Variants in MTHFD1L observed in about 807,000 individuals in gnomAD.
The protein encoded by MTHFD1L is monofunctional C1-tetrahydrofolate synthase, mitochondrial.
In MTHFD1L, 81 loss-of-function variants were observed where a neutral mutation model predicts 119.5. The observed-to-expected ratio is 0.68, with a 90% CI of 0.57 to 0.82. The LOEUF is 0.82. MTHFD1L is among the 40% of genes least tolerant of loss of function. The probability of loss-of-function intolerance (pLI) is 0.00; values close to 1 mark genes in which losing one functional copy is unlikely to be tolerated. For missense variants in MTHFD1L, 1,125 were observed against 1,253.4 expected, an observed-to-expected ratio of 0.90 and a Z score of 1.55; for synonymous variants, 430 against 475.2, an observed-to-expected ratio of 0.90 and a Z score of 1.24.
At chr6:151,074,855 T>C (rs963284125) in intron 26 of MTHFD1L, among the ~76,000 whole-genome samples, 3 of 152,218 alleles carry the variant, frequency 2.0e-5, no homozygotes, top group African/African-American at 7.2e-5. Flanking sequence ...AAGTACACTG[T>C]ATGATGTTCA....
chr6:151,099,812 G>C, intron 27 of MTHFD1L: 1 of 1,604,982 alleles, frequency 6.2e-7, no homozygotes, highest in Non-Finnish European at 8.5e-7. Flanking sequence ...AATCGTACTT[G>C]TGCCGAGATC....
chr6:151,089,095 G>T (rs565065545), intron 26 of MTHFD1L, among the ~76,000 whole-genome samples: 1 of 152,154 alleles, frequency 6.6e-6, no homozygotes, highest in Non-Finnish European at 1.5e-5. Context: ...TTCTGCCCTT[G>T]CTGTGAATCA....
At chr6:151,099,644 G>A in intron 27 of MTHFD1L, 1 of 1,604,226 alleles carries the variant, frequency 6.2e-7, no homozygotes, top group Non-Finnish European at 8.5e-7. Flanking sequence ...AAACCCAGAG[G>A]CATTGACAAC....
At chr6:150,975,554 C>T (rs1776433446) in intron 20 of MTHFD1L, among the ~76,000 whole-genome samples, 1 of 152,116 alleles carries the variant, frequency 6.6e-6, no homozygotes, top group African/African-American at 2.4e-5. Flanking sequence ...AAGAATAGCC[C>T]CTAAAATTAA....
intron 20 of MTHFD1L, among the ~76,000 whole-genome samples, chr6:151,006,223 A>G (rs1215856573): frequency 2.0e-5 from 3 of 152,180 alleles, no homozygotes; most frequent in Admixed American, 2.0e-4. Flanking sequence ...GGAGTAGCCA[A>G]CTTTGCCCGA....
At chr6:150,921,810 T>TG (rs1341288376) in intron 9 of MTHFD1L, among the ~76,000 whole-genome samples, 5 of 152,232 alleles carry the variant, frequency 3.3e-5, no homozygotes, top group Non-Finnish European at 7.3e-5. Flanking sequence ...TGACTTGAAA[T>TG]AACCCTGGAT....
intron 18 of MTHFD1L, among the ~76,000 whole-genome samples, chr6:150,963,483 T>C (rs1796751563): frequency 6.7e-6 from 1 of 149,684 alleles, no homozygotes; most frequent in Admixed American, 6.7e-5. Flanking sequence ...AATAAATACA[T>C]ACAGTTTTAT....
chr6:151,051,894 G>GGAGGCAGGGACT (rs1340085955), intron 26 of MTHFD1L, among the ~76,000 whole-genome samples: 5 of 152,258 alleles, frequency 3.3e-5, no homozygotes, highest in African/African-American at 4.8e-5. Flanking sequence ...CCCTCCTGAG[G>GGAGGCAGGGACT]GAGGCAGGGA....
At chr6:150,994,670 A>G (rs1025928353) in intron 20 of MTHFD1L, among the ~76,000 whole-genome samples, 2 of 152,182 alleles carry the variant, frequency 1.3e-5, no homozygotes, top group African/African-American at 4.8e-5. Flanking sequence ...ATCATTTTTG[A>G]AAAAGAGTTT....
At chr6:151,055,840 A>T (rs931645599) in intron 26 of MTHFD1L, 1 of 152,114 alleles carries the variant, frequency 6.6e-6, no homozygotes. Context: ...TGCTGATTCT[A>T]TAGTCTTATT....
intron 20 of MTHFD1L, among the ~76,000 whole-genome samples, chr6:151,007,530 T>C (rs1475832982): frequency 6.6e-6 from 1 of 152,178 alleles, no homozygotes; most frequent in Non-Finnish European, 1.5e-5. Context: ...CTGTGCCGTC[T>C]CACTTAACCC....
rs551778557 is a variant in MTHFD1L at position 151,057,142 on chromosome 6, C to T, written c.2847+20025C>T. 4.2e-6 allele frequency: 4 copies of T among 962,880 alleles called. No individual in the cohort carries two copies. In the African/African-American group the frequency reaches 7.0e-5, roughly 17 times the overall value. 59.6% of individuals were successfully genotyped at this position (962,880 alleles called of 1,614,324 possible). ...TCTGGTAATTGTAGGCTTGCTGGAC[C>T]CAGTGCCTGCCTTCTAACTGAATCT... is the stretch of plus-strand genomic sequence containing the variant. On this transcript the variant is annotated intron_variant, in intron 26 of 27. Coordinates refer to ENST00000367321, the MANE Select transcript of MTHFD1L (RefSeq NM_015440.5).
In MTHFD1L at chr6:150,990,325, A is replaced by G. The variant is rs574540851; in HGVS notation, c.2125+18267A>G. ...AGAACCATGATGGATGATTAAACTAATTGTAAGTATCAGAACAAGATAACC... is the reference window on the plus strand; with the variant it reads ...AGAACCATGATGGATGATTAAACTAGTTGTAAGTATCAGAACAAGATAACC... On this transcript the variant is annotated intron_variant, in intron 20 of 27. Coordinates refer to ENST00000367321, the MANE Select transcript of MTHFD1L (RefSeq NM_015440.5). 5.1e-4 allele frequency among the ~76,000 whole-genome samples: 78 copies of G among 152,298 alleles called. 1 individual carries two copies. Among genetic ancestry groups the G allele is most frequent in the Non-Finnish European group, 7.9e-4 (54 of 68,024 alleles).
chr6:151,098,045 G>C (rs1318589405), intron 27 of MTHFD1L, among the ~76,000 whole-genome samples: 1 of 152,054 alleles, frequency 6.6e-6, no homozygotes. Flanking sequence ...GTCATGGCAC[G>C]CACCTGTAAT....
At chr6:150,977,217 A>G (rs564666937) in intron 20 of MTHFD1L, among the ~76,000 whole-genome samples, 1 of 152,228 alleles carries the variant, frequency 6.6e-6, no homozygotes, top group East Asian at 1.9e-4. Context: ...TCTCTTAGAT[A>G]GAACTGTCTC....
intron 20 of MTHFD1L, among the ~76,000 whole-genome samples, chr6:151,002,641 T>A (rs979378169): frequency 4.6e-5 from 7 of 152,240 alleles, no homozygotes; most frequent in Admixed American, 6.5e-5. Context: ...ACCATACTGT[T>A]GACGCAACAC....
At chr6:150,917,697 A>C (rs932102320) in intron 8 of MTHFD1L, among the ~76,000 whole-genome samples, 1 of 152,144 alleles carries the variant, frequency 6.6e-6, no homozygotes, top group Non-Finnish European at 1.5e-5. Context: ...ATACCTTATC[A>C]TATTTCATTT....
intron 26 of MTHFD1L, among the ~76,000 whole-genome samples, chr6:151,067,467 G>C (rs578237349): frequency 5.5e-4 from 84 of 151,900 alleles, no homozygotes; most frequent in African/African-American, 2.0e-3. Context: ...GGGATTCCAG[G>C]TGTGCGCCAC....
chr6:150,965,140 C>A, intron 19 of MTHFD1L, 103 bp downstream of exon 19: 2 of 959,316 alleles, frequency 2.1e-6, no homozygotes, highest in Non-Finnish European at 3.3e-6. Flanking sequence ...ATGCCTGGGG[C>A]AGCAGTGTGC....
Sources: allele counts gnomAD v4.1 joint callset (sites outside exome capture counted in the v4.1 genomes callset), GRCh38; gene constraint gnomAD v4.1.1; transcripts MANE v1.5; gene names NCBI Gene and HGNC (gene_info 2026-07-23, HGNC 2026-07-21).